GRXCR2: variants seen among roughly 807,000 people sequenced by gnomAD.
The protein encoded by GRXCR2 is glutaredoxin and cysteine rich domain containing 2.
Under a neutral mutation model 24.8 loss-of-function variants are expected in GRXCR2, and 23 were observed. The ratio of observed to expected loss-of-function variants is 0.93; its 90% confidence interval spans 0.67 to 1.32. The LOEUF (loss-of-function observed/expected upper bound fraction) is 1.32, where lower values mean the gene tolerates loss of function less well. Among genes scored for constraint, GRXCR2 ranks in the 40% most tolerant of loss-of-function variants. The probability of loss-of-function intolerance (pLI) is 0.00; values close to 1 mark genes in which losing one functional copy is unlikely to be tolerated. For synonymous variants in GRXCR2, 130 were observed against 116.1 expected (o/e 1.12, Z -0.77); for missense variants, 315 against 303.4 (o/e 1.04, Z -0.28).
intron 2 of GRXCR2, among the ~76,000 whole-genome samples, chr5:145,891,112 T>C (rs2149918976): frequency 1.3e-5 from 2 of 152,218 alleles, no homozygotes; most frequent in Middle Eastern, 6.8e-3. Context: ...CCCAGATTCA[T>C]AAAACAAGTA....
At chr5:145,929,790 A>C (rs1757455319) in intron 2 of GRXCR2, among the ~76,000 whole-genome samples, 1 of 152,170 alleles carries the variant, frequency 6.6e-6, no homozygotes, top group South Asian at 2.1e-4. Context: ...ATTGACAATC[A>C]AGAGGAAGAA....
chr5:145,896,552 T>C (rs1024798303), intron 2 of GRXCR2, among the ~76,000 whole-genome samples: 6 of 152,194 alleles, frequency 3.9e-5, no homozygotes, highest in Non-Finnish European at 8.8e-5. Flanking sequence ...TCACTGGTCA[T>C]CAGAGAAATG....
chr5:145,908,767 T>A (rs1004138740), intron 2 of GRXCR2, among the ~76,000 whole-genome samples: 7 of 152,234 alleles, frequency 4.6e-5, no homozygotes, highest in African/African-American at 1.4e-4. Flanking sequence ...CATTGACTTC[T>A]GAATGTCACA....
intron 2 of GRXCR2, among the ~76,000 whole-genome samples, chr5:145,860,272 C>A (rs996147873): frequency 6.6e-6 from 1 of 152,158 alleles, no homozygotes; most frequent in Non-Finnish European, 1.5e-5. Flanking sequence ...ACCCTTGTAG[C>A]ATGCCTGATA....
At chr5:145,892,396 A>G (rs1013567110) in intron 2 of GRXCR2, among the ~76,000 whole-genome samples, 1 of 152,180 alleles carries the variant, frequency 6.6e-6, no homozygotes. Context: ...AAAAAATTAG[A>G]TGAATGGCTA....
At chr5:145,920,813 G>T (rs557060825) in intron 2 of GRXCR2, among the ~76,000 whole-genome samples, 1 of 152,354 alleles carries the variant, frequency 6.6e-6, no homozygotes, top group African/African-American at 2.4e-5. Flanking sequence ...GTTATTAGGA[G>T]GCAGGGCCTT....
At chr5:145,911,469 T>TCAAAG (rs1056825521) in intron 2 of GRXCR2, among the ~76,000 whole-genome samples, 1 of 152,138 alleles carries the variant, frequency 6.6e-6, no homozygotes, top group Admixed American at 6.5e-5. Flanking sequence ...AAGGAAAGCA[T>TCAAAG]CAAAGCCGAG....
upstream of GRXCR2, among the ~76,000 whole-genome samples, chr5:145,877,233 A>G (rs1022831642): frequency 4.6e-5 from 7 of 152,280 alleles, no homozygotes; most frequent in African/African-American, 1.4e-4. Context: ...TAGCAATGAC[A>G]CAATATGAAA....
chr5:145,857,909 A>C (rs532486354), downstream of GRXCR2, among the ~76,000 whole-genome samples: 3 of 152,300 alleles, frequency 2.0e-5, no homozygotes, highest in South Asian at 2.1e-4. Context: ...GTTCCATGAG[A>C]TACCAAAGGG....
At chr5:145,908,193 A>G (rs1757116619) in intron 2 of GRXCR2, among the ~76,000 whole-genome samples, 1 of 152,226 alleles carries the variant, frequency 6.6e-6, no homozygotes, top group African/African-American at 2.4e-5. Flanking sequence ...TCGATTCTAA[A>G]TTCCGACAAT....
chr5:145,926,295 A>G (rs1167202686), intron 2 of GRXCR2, among the ~76,000 whole-genome samples: 1 of 152,046 alleles, frequency 6.6e-6, no homozygotes, highest in Non-Finnish European at 1.5e-5. Context: ...GGGTTATAGG[A>G]TTTAACTCCC....
intron 2 of GRXCR2, among the ~76,000 whole-genome samples, chr5:145,915,725 C>A (rs772588848): frequency 2.0e-5 from 3 of 150,374 alleles, no homozygotes; most frequent in African/African-American, 7.4e-5. Context: ...CAGAGCAACA[C>A]TTCATCTCAA....
rs1267850366 is a variant in GRXCR2, at chr5:145,859,772, A to T, written c.708T>A (p.Asn236Lys). The change falls in exon 3 of 3, where the codon AAT becomes AAA. Residue 236 changes from asparagine (N) to lysine (K), a missense_variant. Asn to Lys is a moderately conservative substitution (Grantham distance 94). Transcript: ENST00000377976. ...TCTGGCAAGGCTGTAGGCCATTCTC[A>T]TTGCAGGCAGGGCACCTCAGGGCCC... is the stretch of plus-strand genomic sequence containing the variant. ...SYRALRCPAC[N>K]ENGLQPCQIC... 9 of 1,614,050 alleles carry T rather than the reference A, an allele frequency of 5.6e-6. No homozygotes were observed. Among genetic ancestry groups the T allele is most frequent in the African/African-American group, 1.3e-5 (1 of 74,948 alleles).
upstream of GRXCR2, among the ~76,000 whole-genome samples, chr5:145,875,352 C>T (rs556713884): frequency 6.6e-6 from 1 of 152,274 alleles, no homozygotes; most frequent in South Asian, 2.1e-4. Flanking sequence ...AGATTAAGAC[C>T]ATCCTGGCCA....
chr5:145,866,126 C>G, intron 2 of GRXCR2, among the ~76,000 whole-genome samples: 1 of 142,164 alleles, frequency 7.0e-6, no homozygotes, highest in Admixed American at 6.9e-5. Context: ...AAGAGTGAAA[C>G]TCCTTCTCAA....
At chr5:145,911,486 A>G (rs150406958) in intron 2 of GRXCR2, among the ~76,000 whole-genome samples, 2 of 152,334 alleles carry the variant, frequency 1.3e-5, no homozygotes, top group East Asian at 1.9e-4. Context: ...CGAGAACACT[A>G]CTTGTAGAAA....
At chr5:145,871,785 C>T (rs1194507531) in intron 1 of GRXCR2, among the ~76,000 whole-genome samples, 1 of 152,152 alleles carries the variant, frequency 6.6e-6, no homozygotes, top group African/African-American at 2.4e-5. Flanking sequence ...GGCTTTCACA[C>T]TTTAAAGATG....
intron 2 of GRXCR2, among the ~76,000 whole-genome samples, chr5:145,897,671 C>T (rs991294849): frequency 1.3e-5 from 2 of 152,038 alleles, no homozygotes; most frequent in African/African-American, 4.8e-5. Context: ...GAAGATATCT[C>T]AAAACCACAT....
intron 2 of GRXCR2, among the ~76,000 whole-genome samples, chr5:145,917,999 TG>T (rs1332242942): frequency 6.6e-6 from 1 of 152,130 alleles, no homozygotes; most frequent in African/African-American, 2.4e-5. Flanking sequence ...AGGATGGTCT[TG>T]ATCTCCTGAC....
Sources: gnomAD v4.1 joint callset for allele counts (sites outside exome capture counted in the v4.1 genomes callset) on GRCh38, gnomAD v4.1.1 for gene constraint, MANE v1.5 for transcripts, NCBI Gene and HGNC (gene_info 2026-07-23, HGNC 2026-07-21) for gene names.